GNG4: variants seen among roughly 807,000 people sequenced by gnomAD.
The protein encoded by GNG4 is guanine nucleotide-binding protein G(I)/G(S)/G(O) subunit gamma-4.
In GNG4, 4 loss-of-function variants were observed where a neutral mutation model predicts 5.8. The observed-to-expected ratio is 0.69, with a 90% CI of 0.34 to 1.57. The LOEUF is 1.57. Ranked by LOEUF, GNG4 falls within the 40% of genes most tolerant of loss-of-function variation. GNG4 has a pLI of 0.06. For synonymous variants in GNG4, 29 were observed against 32.9 expected (o/e 0.88, Z 0.41); for missense variants, 96 against 95.1 (o/e 1.01, Z -0.04).
chr1:235,613,921 C>A (rs1688533024), intron 1 of GNG4, among the ~76,000 whole-genome samples: 1 of 152,178 alleles, frequency 6.6e-6, no homozygotes, highest in Non-Finnish European at 1.5e-5. Flanking sequence ...TCAAGTGATC[C>A]TCCCACCTCA....
intron 3 of GNG4, among the ~76,000 whole-genome samples, chr1:235,568,501 A>T (rs1175236595): frequency 6.6e-6 from 1 of 152,242 alleles, no homozygotes; most frequent in Non-Finnish European, 1.5e-5. Context: ...AAATAAAATA[A>T]GTTTGCTAAA....
chr1:235,584,496 TGA>T (rs149648273), intron 2 of GNG4, among the ~76,000 whole-genome samples: 1,814 of 152,316 alleles, frequency 0.012, 36 homozygotes, highest in African/African-American at 0.04. Flanking sequence ...GACTTTGTGT[TGA>T]GAGTTTGTTT....
intron 1 of GNG4, among the ~76,000 whole-genome samples, chr1:235,607,694 C>A (rs1019019319): frequency 3.3e-5 from 5 of 152,176 alleles, no homozygotes; most frequent in African/African-American, 1.2e-4. Flanking sequence ...GCCATCCCAT[C>A]GGCACGGCTT....
intron 1 of GNG4, among the ~76,000 whole-genome samples, chr1:235,629,239 A>T (rs1179405554): frequency 6.6e-6 from 1 of 151,826 alleles, no homozygotes. Flanking sequence ...GGTCTTAAAT[A>T]ACTGGCTTCA....
intron 1 of GNG4, among the ~76,000 whole-genome samples, chr1:235,622,896 C>T (rs1276749048): frequency 2.6e-5 from 2 of 76,316 alleles, no homozygotes; most frequent in Non-Finnish European, 4.7e-5. Context: ...AAAAAATAGC[C>T]AGGCGTGATG....
In GNG4 at chr1:235,577,540, G is replaced by C. The variant is rs983484831; in HGVS notation, c.99+6200C>G. 2.6e-5 allele frequency among the ~76,000 whole-genome samples: 4 copies of C among 152,058 alleles called. No individual in the cohort carries two copies. The South Asian group carries it at 6.2e-4, about 24-fold the overall frequency. The stretch of plus-strand genomic sequence containing the variant: ...ACTGCAACCTCCGCCTCCTGGGTTC[G>C]AGTGATTCTCCTGCCTCAGCCTCCC... On this transcript the variant is annotated intron_variant, in intron 3 of 3. Coordinates refer to ENST00000391854, the MANE Select transcript of GNG4 (RefSeq NM_001098722.2).
intron 3 of GNG4, among the ~76,000 whole-genome samples, chr1:235,580,452 A>G (rs1197055823): frequency 6.6e-6 from 1 of 152,222 alleles, no homozygotes; most frequent in Non-Finnish European, 1.5e-5. Context: ...AAAAAAATTA[A>G]TGTTCAAGGG....
At chr1:235,572,644 G>A (rs1687375507) in intron 3 of GNG4, among the ~76,000 whole-genome samples, 3 of 151,764 alleles carry the variant, frequency 2.0e-5, no homozygotes, top group African/African-American at 7.3e-5. Context: ...TGGGACTACA[G>A]GTGCGCCACC....
chr1:235,577,896 T>C (rs182127157), intron 3 of GNG4, among the ~76,000 whole-genome samples: 16 of 152,250 alleles, frequency 1.1e-4, no homozygotes, highest in Non-Finnish European at 4.4e-5. Flanking sequence ...AGTAACCTCG[T>C]ACCCATCCCA....
intron 3 of GNG4, among the ~76,000 whole-genome samples, chr1:235,570,211 T>G (rs1045665653): frequency 5.3e-5 from 8 of 152,196 alleles, no homozygotes; most frequent in African/African-American, 1.9e-4. Context: ...ATTGCTTCGG[T>G]CTGACACTCC....
intron 2 of GNG4, among the ~76,000 whole-genome samples, chr1:235,591,659 G>A (rs1161595763): frequency 6.6e-6 from 1 of 152,202 alleles, no homozygotes; most frequent in Non-Finnish European, 1.5e-5. Context: ...ATGGAAGTAG[G>A]AACAGAGAGG....
chr1:235,632,800 G>A (rs1203509239), intron 1 of GNG4, among the ~76,000 whole-genome samples: 6 of 152,072 alleles, frequency 3.9e-5, no homozygotes, highest in African/African-American at 1.4e-4. Flanking sequence ...CAACTTAATG[G>A]CTCGATTCTG....
chr1:235,650,361 G>C (rs1192764440), upstream of GNG4, among the ~76,000 whole-genome samples: 2 of 151,792 alleles, frequency 1.3e-5, no homozygotes, highest in Non-Finnish European at 2.9e-5. Context: ...GCGGGGCCGG[G>C]GTTGCTGGAG....
intron 1 of GNG4, among the ~76,000 whole-genome samples, chr1:235,607,145 C>T (rs1688380286): frequency 6.6e-6 from 1 of 151,920 alleles, no homozygotes; most frequent in Non-Finnish European, 1.5e-5. Context: ...TGGGGTTTCA[C>T]TATGTTGGCC....
chr1:235,570,705 A>C (rs528028585), intron 3 of GNG4, among the ~76,000 whole-genome samples: 163 of 149,320 alleles, frequency 1.1e-3, no homozygotes, highest in African/African-American at 3.9e-3. Flanking sequence ...AGTCTAAATA[A>C]ATTTTTAAAA....
At chr1:235,624,577 A>G (rs994547950) in intron 1 of GNG4, among the ~76,000 whole-genome samples, 9 of 152,332 alleles carry the variant, frequency 5.9e-5, no homozygotes, top group African/African-American at 1.9e-4. Context: ...TTCAAGAAGA[A>G]TGAATTTTCT....
intron 3 of GNG4, among the ~76,000 whole-genome samples, chr1:235,578,078 G>A (rs1475058527): frequency 3.9e-4 from 59 of 151,752 alleles, no homozygotes. Context: ...GCATCACATA[G>A]ATTTTTCTGC....
intron 3 of GNG4, among the ~76,000 whole-genome samples, chr1:235,572,688 CA>C (rs1687376338): frequency 6.6e-6 from 1 of 151,552 alleles, no homozygotes; most frequent in Non-Finnish European, 1.5e-5. Flanking sequence ...TTAGTAGAGA[CA>C]GGGTTTCGCC....
At chr1:235,623,266 G>T (rs1688744916) in intron 1 of GNG4, among the ~76,000 whole-genome samples, 1 of 152,100 alleles carries the variant, frequency 6.6e-6, no homozygotes, top group South Asian at 2.1e-4. Flanking sequence ...AGAAAAAAAA[G>T]GATCACAGGG....
Sources: allele counts gnomAD v4.1 joint callset (sites outside exome capture counted in the v4.1 genomes callset), GRCh38; gene constraint gnomAD v4.1.1; transcripts MANE v1.5; gene names NCBI Gene and HGNC (gene_info 2026-07-23, HGNC 2026-07-21).